SEPTIN12: variants seen among roughly 807,000 people sequenced by gnomAD.
SEPTIN12 encodes septin-12.
SEPTIN12 carries 42 observed loss-of-function variants against 37.7 expected under a neutral mutation model. That is an observed-to-expected ratio of 1.11 (90% CI 0.87 to 1.44). The LOEUF is 1.44. Among genes scored for constraint, SEPTIN12 ranks in the 40% most tolerant of loss-of-function variants. SEPTIN12 has a pLI of 0.00. For missense variants in SEPTIN12, 613 were observed against 479.2 expected (o/e 1.28, Z -2.61); for synonymous variants, 254 against 196.7 (o/e 1.29, Z -2.44).
chr16:4,782,261 A>G (rs1252424341), intron 7 of SEPTIN12, among the ~76,000 whole-genome samples: 7 of 151,914 alleles, frequency 4.6e-5, no homozygotes, highest in African/African-American at 1.7e-4. Context: ...TGAACTGTAC[A>G]CTTTTAAAGG....
chr16:4,787,672 C>T lies in SEPTIN12; in HGVS notation c.-22-5G>A. ...GGGGCCAAGGGTTCGAGATGCCTGT[C>T]ACCAGGTGGGTGGGGAGAAGGGGGT... On this transcript the variant is annotated splice_polypyrimidine_tract_variant and splice_region_variant and intron_variant, in intron 1 of 9. Transcript: ENST00000268231. The T allele has an allele frequency of 7.2e-7, 1 of 1,395,416 alleles. No homozygotes were observed. The highest frequency in any genetic ancestry group is 1.4e-5 in the African/African-American group (1 of 71,590). 86.4% of individuals were successfully genotyped at this position (1,395,416 alleles called of 1,614,324 possible).
chr16:4,781,390 C>T (rs535218215), intron 7 of SEPTIN12, among the ~76,000 whole-genome samples: 3 of 152,158 alleles, frequency 2.0e-5, no homozygotes, highest in South Asian at 2.1e-4. Context: ...AATTTCACAA[C>T]GTTTTCATCA....
chr16:4,783,818 C>T (rs118116570), intron 5 of SEPTIN12, 52 bp from the exon 6 acceptor site: 34,804 of 1,602,776 alleles, frequency 0.022, 577 homozygotes, highest in South Asian at 0.06. Flanking sequence ...AGTGTATAAA[C>T]GACAGCAGCA....
chr16:4,779,832 GGAGAA>G (rs1190040956), intron 7 of SEPTIN12, 46 bp from the exon 8 acceptor site: 1 of 1,357,272 alleles, frequency 7.4e-7, no homozygotes, highest in Non-Finnish European at 1.1e-6. Context: ...ACTTCGCTGG[GGAGAA>G]GAGAAGAAAA....
chr16:4,785,484 A>G (rs2082426891), intron 4 of SEPTIN12, among the ~76,000 whole-genome samples: 1 of 151,810 alleles, frequency 6.6e-6, no homozygotes, highest in Non-Finnish European at 1.5e-5. Context: ...TTGAGAACCC[A>G]CCACTTGTTG....
chr16:4,784,140 C>T, intron 4 of SEPTIN12, 72 bp from the exon 5 acceptor site: 3 of 1,575,010 alleles, frequency 1.9e-6, no homozygotes, highest in Non-Finnish European at 2.6e-6. Context: ...TCCTCTGTGT[C>T]CTCTGGGCGG....
chr16:4,781,644 C>CT (rs1236333092), intron 7 of SEPTIN12, among the ~76,000 whole-genome samples: 2 of 142,146 alleles, frequency 1.4e-5, no homozygotes, highest in African/African-American at 2.8e-5. Context: ...GACAGTGCTT[C>CT]ATTTTTTTTT....
At chr16:4,787,750 G>C in intron 1 of SEPTIN12, 83 bp from the exon 2 acceptor site, 1 of 641,710 alleles carries the variant, frequency 1.6e-6, no homozygotes. Context: ...ACCCCTATTT[G>C]AGCTTGGCCG....
chr16:4,781,868 T>A (rs2082374986), intron 7 of SEPTIN12, among the ~76,000 whole-genome samples: 1 of 145,560 alleles, frequency 6.9e-6, no homozygotes, highest in Non-Finnish European at 1.5e-5. Context: ...GGTCTCGAAC[T>A]CCCGACCTCA....
At position 4,777,668 on chromosome 16, in the gene SEPTIN12, C is replaced by G; in HGVS notation, c.*129G>C. 1.4e-6 allele frequency: 1 copy of G among 736,586 alleles called. No homozygotes were observed. Among genetic ancestry groups the G allele is most frequent in the Non-Finnish European group, 2.2e-6 (1 of 457,046 alleles). 45.6% of individuals were successfully genotyped at this position (736,586 alleles called of 1,614,324 possible). A position where few individuals can be genotyped will look rare whatever the true frequency, so the allele number is the denominator to read the frequency against. On this transcript the variant is annotated 3_prime_UTR_variant, in exon 10 of 10. Transcript: ENST00000268231. Reference sequence around the variant, plus strand: ...CTCAAAGAAGTCATTTACAAAATGCCTTTTGTTTTCAAAGCACAGCTTTTC... The same window carrying G: ...CTCAAAGAAGTCATTTACAAAATGCGTTTTGTTTTCAAAGCACAGCTTTTC...
In SEPTIN12 at chr16:4,787,634, CA is replaced by C. The variant is rs2082479084; in HGVS notation, c.11del (p.Leu4ArgfsTer36). 6.3e-7 allele frequency: 1 copy of C among 1,587,296 alleles called. No homozygotes were observed. Among genetic ancestry groups the C allele is most frequent in the African/African-American group, 1.3e-5 (1 of 74,722 alleles). ...ACAGGCAGGGAGAGGGGGAGCGCCT[CA>C]GGGGGTCCATGGGGGCCAAGGGTTC... MDP[L>X]RRSPSPCLSS... On this transcript the variant is annotated frameshift_variant, in exon 2 of 10. Transcript: ENST00000268231. LOFTEE classifies it high-confidence loss of function.
rs1199321442 is a variant in SEPTIN12, at chr16:4,787,648, G to C, written c.-3C>G. The C allele has an allele frequency of 1.9e-6, 3 of 1,562,214 alleles. No individual in the cohort carries two copies. Among genetic ancestry groups the C allele is most frequent in the Non-Finnish European group, 2.6e-6 (3 of 1,151,294 alleles). ...GGGGAGCGCCTCAGGGGGTCCATGG[G>C]GGCCAAGGGTTCGAGATGCCTGTCA... On this transcript the variant is annotated 5_prime_UTR_variant, in exon 2 of 10. Transcript: ENST00000268231.
Position 4,778,129 on chromosome 16 carries a change from T to C in SEPTIN12, c.832A>G (p.Met278Val), listed in dbSNP as rs2082334187. The C allele has an allele frequency of 6.8e-6, 11 of 1,614,084 alleles. No individual in the cohort carries two copies. The East Asian group carries it at 1.8e-4, about 26-fold the overall frequency. The part of the protein sequence containing the change: ...TKWGIIEVEN[M>V]AHCEFPLLRD... ...AGGAGAGGAAATTCACAGTGCGCCA[T>C]GTTCTCCACTGCAAGACATGGGACT... The change falls in exon 9 of 10, where the codon ATG (methionine) becomes GTG (valine). Residue 278 changes from methionine (M) to valine (V), a missense_variant. Physicochemically the swap from Met to Val is conservative, Grantham distance 21. Coordinates refer to ENST00000268231, the MANE Select transcript of SEPTIN12 (RefSeq NM_144605.5).
chr16:4,790,691 G>C (rs1357534375), upstream of SEPTIN12, among the ~76,000 whole-genome samples: 1 of 152,204 alleles, frequency 6.6e-6, no homozygotes, highest in Non-Finnish European at 1.5e-5. Context: ...GGGAGGCTGA[G>C]GCAGGGAGAA....
In SEPTIN12 at chr16:4,777,709, C is replaced by G; in HGVS notation, c.*88G>C. The G allele has an allele frequency of 1.0e-5, 10 of 984,464 alleles. No individual in the cohort carries two copies. Among genetic ancestry groups the G allele is most frequent in the Non-Finnish European group, 1.5e-5 (10 of 679,610 alleles). The allele number at this position is 984,464 out of a possible 1,614,324, so 61.0% of individuals were successfully genotyped here. On this transcript the variant is annotated 3_prime_UTR_variant, in exon 10 of 10. Coordinates refer to ENST00000268231, the MANE Select transcript of SEPTIN12 (RefSeq NM_144605.5). ...ACAGCTTTTCATAAAAAGCAAGGCT[C>G]ACATTTAATAGATGCTCTGGTACAT...
In SEPTIN12 at chr16:4,787,532, C is replaced by G; in HGVS notation, c.114G>C (p.Gln38His). The G allele has an allele frequency of 6.2e-7, 1 of 1,612,948 alleles. No individual in the cohort carries two copies. The highest frequency in any genetic ancestry group is 2.2e-5 in the East Asian group (1 of 44,878). The change falls in exon 2 of 10, where the codon CAG becomes CAC. Residue 38 changes from glutamine (Q) to histidine (H), a missense_variant. Transcript: ENST00000268231. ...GPVGIEAVLD[Q>H]LKIKAMKMGF... Reference sequence around the variant, plus strand: ...CCATCTTCATAGCCTTGATCTTCAGCTGGTCCAGCACAGCCTCAATGCCCA... The same window carrying G: ...CCATCTTCATAGCCTTGATCTTCAGGTGGTCCAGCACAGCCTCAATGCCCA...
At position 4,785,999 on chromosome 16, in the gene SEPTIN12, C is replaced by G. The variant is rs778873051; in HGVS notation, c.273G>C (p.Gln91His). The G allele has an allele frequency of 1.2e-6, 2 of 1,613,416 alleles. No homozygotes were observed. The highest frequency in any genetic ancestry group is 1.7e-6 in the Non-Finnish European group (2 of 1,179,694). The change falls in exon 3 of 10, where the codon CAG (glutamine) becomes CAC (histidine). Residue 91 changes from glutamine (Q) to histidine (H), a missense_variant. Coordinates refer to ENST00000268231, the MANE Select transcript of SEPTIN12 (RefSeq NM_144605.5). ...GLGVPTPQTL[Q>H]LHSLTHVIEE... ...ACTCACCATGGGTCAGTGAATGCAG[C>G]TGCAGCGTCTGGGGTGTGGGCACCC...
upstream of SEPTIN12, among the ~76,000 whole-genome samples, chr16:4,791,320 G>T (rs551145303): frequency 2.0e-5 from 3 of 152,298 alleles, 1 homozygote; most frequent in East Asian, 5.8e-4. Flanking sequence ...TCTATGCAGC[G>T]TGACTATGGT....
upstream of SEPTIN12, among the ~76,000 whole-genome samples, chr16:4,790,945 C>T (rs1267515403): frequency 1.3e-5 from 2 of 152,210 alleles, no homozygotes; most frequent in Non-Finnish European, 2.9e-5. Flanking sequence ...ACCACAATTC[C>T]ACAGCCCTTG....
Sources: allele counts gnomAD v4.1 joint callset (sites outside exome capture counted in the v4.1 genomes callset), GRCh38; gene constraint gnomAD v4.1.1; transcripts MANE v1.5; gene names NCBI Gene and HGNC (gene_info 2026-07-23, HGNC 2026-07-21).